The following LMF1 variants were observed in gnomAD, a reference collection of about 807,000 sequenced individuals.
The protein encoded by LMF1 is transmembrane protein 112.
LMF1 carries 68 observed loss-of-function variants against 60.6 expected under a neutral mutation model. That is an observed-to-expected ratio of 1.12 (90% CI 0.92 to 1.37). LMF1 has a LOEUF of 1.37. Among genes scored for constraint, LMF1 ranks in the 40% most tolerant of loss-of-function variants. LMF1 has a pLI of 0.00. For synonymous variants in LMF1, 418 were observed against 324.7 expected, an observed-to-expected ratio of 1.29 and a Z score of -3.09; for missense variants, 948 against 767.2, an observed-to-expected ratio of 1.24 and a Z score of -2.78.
At chr16:871,409 T>A in intron 6 of LMF1, 68 bp from the exon 7 acceptor site, 6 of 1,390,056 alleles carry the variant, frequency 4.3e-6, no homozygotes, top group South Asian at 1.2e-5. Context: ...CTGGCGCCTC[T>A]CTTCCTGGAG....
chr16:914,745 C>CCA (rs2071231295), intron 3 of LMF1, among the ~76,000 whole-genome samples: 3 of 129,230 alleles, frequency 2.3e-5, no homozygotes, highest in Non-Finnish European at 3.3e-5. Context: ...CTCCCCATGA[C>CCA]TATTGGTGAC....
intron 2 of LMF1, among the ~76,000 whole-genome samples, chr16:942,099 T>C (rs1037942454): frequency 2.6e-5 from 4 of 152,242 alleles, no homozygotes; most frequent in Non-Finnish European, 4.4e-5. Context: ...GTGTGTCTGC[T>C]GGCAAAGCCT....
intron 3 of LMF1, 187 bp downstream of exon 3, chr16:934,057 G>A (rs757136324): frequency 6.6e-7 from 1 of 1,514,126 alleles, no homozygotes; most frequent in South Asian, 1.2e-5. Flanking sequence ...GGAAGCCCAG[G>A]AGCTCCCACA....
rs60748524 is a variant in LMF1, at chr16:954,950, G to A, written c.194-284C>T. Among the ~76,000 whole-genome samples the A allele has an allele frequency of 5.1e-5, 5 of 97,288 alleles. 2 individuals carry two copies. The highest frequency in any genetic ancestry group is 2.9e-4 in the Admixed American group (3 of 10,266). 63.8% of individuals were successfully genotyped at this position (97,288 alleles called of 152,430 possible). A position where few individuals can be genotyped will look rare whatever the true frequency, so the allele number is the denominator to read the frequency against. ...AATGCGTGCCCGCAGCAGACGCGGT[G>A]TGTGCATCCACACACACACATATCT... On this transcript the variant is annotated intron_variant, in intron 1 of 10. Coordinates refer to ENST00000262301, the MANE Select transcript of LMF1 (RefSeq NM_022773.4).
upstream of LMF1, among the ~76,000 whole-genome samples, chr16:971,230 G>A (rs983689726): frequency 5.3e-5 from 8 of 152,352 alleles, no homozygotes; most frequent in East Asian, 1.4e-3. Flanking sequence ...GCGCGGGGCC[G>A]GGTACCTGGG....
chr16:924,512 T>G (rs927702606), intron 3 of LMF1, among the ~76,000 whole-genome samples: 1 of 152,176 alleles, frequency 6.6e-6, no homozygotes, highest in Admixed American at 6.5e-5. Flanking sequence ...ACCCTGAGCA[T>G]GTGGCATTTT....
rs201767825 is a variant in LMF1 at position 871,203 on chromosome 16, T to G, written c.1036A>C (p.Met346Leu). 2.5e-6 allele frequency: 4 copies of G among 1,610,526 alleles called. No homozygotes were observed. The Admixed American group carries it at 6.7e-5, about 27-fold the overall frequency. Residue 346 changes from methionine to leucine, a missense_variant, in exon 7 of 11, where the codon ATG becomes CTG. Coordinates refer to ENST00000262301, the MANE Select transcript of LMF1 (RefSeq NM_022773.4). ...PGSLKDRVLQMQRDIRGARPE... is the reference protein window; with the variant it reads ...PGSLKDRVLQLQRDIRGARPE... Reference sequence around the variant, plus strand: ...CGGGCCCCTCGGATGTCCCTCTGCATCTGCAGAACTCGGTCCTTCAGGCTG... The same window carrying G: ...CGGGCCCCTCGGATGTCCCTCTGCAGCTGCAGAACTCGGTCCTTCAGGCTG...
chr16:933,903 T>C, intron 3 of LMF1: 1 of 1,251,416 alleles, frequency 8.0e-7, no homozygotes, highest in Non-Finnish European at 1.0e-6. Context: ...ACCTTCTCTA[T>C]GCCGAGGGGC....
At position 970,798 on chromosome 16, in the gene LMF1, G is replaced by C. The variant is rs988689389; in HGVS notation, c.183C>G (p.Ala61=). The C allele has an allele frequency of 6.5e-7, 1 of 1,539,252 alleles. No homozygotes were observed. Among genetic ancestry groups the C allele is most frequent in the Admixed American group, 2.0e-5 (1 of 50,282 alleles). Residue 61 remains alanine (A), a synonymous_variant, in exon 1 of 11, where the codon GCC becomes GCG. Coordinates refer to ENST00000262301, the MANE Select transcript of LMF1 (RefSeq NM_022773.4). The stretch of plus-strand genomic sequence containing the variant: ...CCGCCCGGCACTCACAGTACACGAA[G>C]GCTAGGGCCTTCAGGAGCACGATCC... ...LTRIVLLKAL[A]FVYFVAFLVA... is the part of the protein sequence containing the mutation.
chr16:928,678 ATCCCCACGCCCCCACGAGCCCC>A (rs2071680693), intron 3 of LMF1, among the ~76,000 whole-genome samples: 1 of 149,908 alleles, frequency 6.7e-6, no homozygotes, highest in African/African-American at 2.5e-5. Flanking sequence ...GCACGAGCCC[ATCCCCACGCCCCCACGAGCCCC>A]TCCCCACATC....
chr16:893,535 G>T (rs1313438013), intron 4 of LMF1, among the ~76,000 whole-genome samples: 1 of 152,162 alleles, frequency 6.6e-6, no homozygotes, highest in Admixed American at 6.5e-5. Flanking sequence ...AAAGGGAGCC[G>T]AGGCGCAGGC....
intron 10 of LMF1, chr16:855,999 C>T (rs766701169): frequency 9.4e-5 from 43 of 455,516 alleles, no homozygotes; most frequent in African/African-American, 3.6e-4. Context: ...GTCTGAATTA[C>T]GCCAGGAAAA....
chr16:880,897 G>C lies in LMF1; in HGVS notation c.730-1160C>G, dbSNP rs1008733792. Among the ~76,000 whole-genome samples, 7 of 152,370 alleles carry C rather than the reference G, an allele frequency of 4.6e-5. No individual in the cohort carries two copies. The East Asian group carries it at 1.3e-3, about 29-fold the overall frequency. On this transcript the variant is annotated intron_variant, in intron 5 of 10. Transcript: ENST00000262301. ...GCACGCTCTGCTTGCCTTTGTGGAGGGGCCTGCCCGCATGCTGCTCAGGGC... is the reference window on the plus strand; with the variant it reads ...GCACGCTCTGCTTGCCTTTGTGGAGCGGCCTGCCCGCATGCTGCTCAGGGC...
chr16:868,392 T>C (rs988207790), intron 10 of LMF1, among the ~76,000 whole-genome samples: 12 of 152,158 alleles, frequency 7.9e-5, no homozygotes, highest in Non-Finnish European at 2.9e-5. Flanking sequence ...AAGTCATCCC[T>C]GGTATGGAGA....
intron 10 of LMF1, among the ~76,000 whole-genome samples, chr16:864,362 C>T (rs1170329030): frequency 2.0e-5 from 3 of 152,154 alleles, no homozygotes; most frequent in South Asian, 4.1e-4. Flanking sequence ...TACAATGGTG[C>T]GAGGGATACG....
chr16:922,422 G>A (rs1207641001), intron 3 of LMF1, among the ~76,000 whole-genome samples: 1 of 152,234 alleles, frequency 6.6e-6, no homozygotes, highest in Admixed American at 6.5e-5. Context: ...AGCAGGACCT[G>A]AAGCAGGGAG....
At chr16:857,462 T>TGAGTGGTGTCA (rs2069226252) in intron 10 of LMF1, among the ~76,000 whole-genome samples, 1 of 110,854 alleles carries the variant, frequency 9.0e-6, no homozygotes, top group African/African-American at 3.7e-5. Flanking sequence ...GAGTGGTGTC[T>TGAGTGGTGTCA]CGGGACGGGT....
At chr16:889,255 G>C (rs1354958282) in intron 5 of LMF1, among the ~76,000 whole-genome samples, 1 of 152,180 alleles carries the variant, frequency 6.6e-6, no homozygotes, top group Non-Finnish European at 1.5e-5. Flanking sequence ...GGAACTTGGG[G>C]ATGCCTTCCC....
At chr16:879,549 G>A (rs1196267119) in intron 6 of LMF1, 21 bp downstream of exon 6, 1 of 1,610,866 alleles carries the variant, frequency 6.2e-7, no homozygotes, top group Non-Finnish European at 8.5e-7. Context: ...ACACGGGGCA[G>A]GGCGGGCGGC....
Sources: gnomAD v4.1 joint callset for allele counts (sites outside exome capture counted in the v4.1 genomes callset) on GRCh38, gnomAD v4.1.1 for gene constraint, MANE v1.5 for transcripts, NCBI Gene and HGNC (gene_info 2026-07-23, HGNC 2026-07-21) for gene names.